Variants in CIT observed in about 807,000 individuals in gnomAD.
CIT encodes citron Rho-interacting kinase.
Under a neutral mutation model 272.7 loss-of-function variants are expected in CIT, and 79 were observed. The ratio of observed to expected loss-of-function variants is 0.29; its 90% CI spans 0.24 to 0.35. CIT has a LOEUF of 0.35. CIT is among the 10% of genes least tolerant of loss of function. The probability of loss-of-function intolerance (pLI) is 1.00; values close to 1 mark genes in which losing one functional copy is unlikely to be tolerated. For missense variants in CIT, 1,909 were observed against 2,618.3 expected (o/e 0.73, Z 5.91); for synonymous variants, 948 against 995.6 (o/e 0.95, Z 0.90).
At chr12:119,706,462 C>CCA (rs1956883151) in intron 40 of CIT, among the ~76,000 whole-genome samples, 1 of 152,042 alleles carries the variant, frequency 6.6e-6, no homozygotes, top group South Asian at 2.1e-4. Flanking sequence ...CTGACGGGCC[C>CCA]CAGTGTGTGT....
intron 47 of CIT, among the ~76,000 whole-genome samples, chr12:119,688,824 G>A (rs1222924459): frequency 6.6e-6 from 1 of 152,208 alleles, no homozygotes; most frequent in Admixed American, 6.5e-5. Context: ...GGCAACCACT[G>A]TGAACACTTT....
At position 119,784,217 on chromosome 12, in the gene CIT, T is replaced by C. The variant is rs917531716; in HGVS notation, c.1402-166A>G. 1 of 1,601,540 alleles carries C rather than the reference T, an allele frequency of 6.2e-7. No individual in the cohort carries two copies. Among genetic ancestry groups the C allele is most frequent in the Non-Finnish European group, 8.5e-7 (1 of 1,172,552 alleles). ...TGTTTCTTCGCCCAGGAGCGCACAG[T>C]TCTTCGTTAAGGACAGTCACCAAAT... On this transcript the variant is annotated intron_variant, in intron 11 of 47. Coordinates refer to ENST00000392521, the MANE Select transcript of CIT (RefSeq NM_001206999.2). The surrounding 1 kb of genome is among the most constrained non-coding windows in gnomAD (Gnocchi z 4.7).
At chr12:119,758,959 T>C (rs1374023426) in intron 20 of CIT, among the ~76,000 whole-genome samples, 1 of 152,186 alleles carries the variant, frequency 6.6e-6, no homozygotes, top group Non-Finnish European at 1.5e-5. Flanking sequence ...TTCAAGAACC[T>C]AACATCCTGG....
intron 23 of CIT, among the ~76,000 whole-genome samples, chr12:119,747,553 C>A (rs1368538011): frequency 1.3e-5 from 2 of 151,612 alleles, no homozygotes; most frequent in African/African-American, 4.8e-5. Flanking sequence ...ACCCGTGACT[C>A]ACTAAAAATA....
rs2137121569 is a variant in CIT, at chr12:119,718,488, A to G, written c.4004-79T>C. ...AAACTAAGCCGAATGTCCCTGGGCT[A>G]TCTTTCAAGGACCCAAGACCAAAAG... On this transcript the variant is annotated intron_variant, in intron 31 of 47. Transcript: ENST00000392521. This position sits in a 1 kb window ranked among gnomAD's most constrained non-coding sequence, Gnocchi z 4.8. 1 of 1,522,580 alleles carries G rather than the reference A, an allele frequency of 6.6e-7. No individual in the cohort carries two copies. 94.3% of individuals were successfully genotyped at this position (1,522,580 alleles called of 1,614,324 possible). A position where few individuals can be genotyped will look rare whatever the true frequency, so the allele number is the denominator to read the frequency against.
chr12:119,719,741 T>G (rs557036814), intron 30 of CIT, among the ~76,000 whole-genome samples: 1 of 152,366 alleles, frequency 6.6e-6, no homozygotes, highest in South Asian at 2.1e-4. Context: ...TGCTATGGTA[T>G]GCTTCTGCAT....
At chr12:119,731,352 T>C (rs2137224133) in intron 26 of CIT, among the ~76,000 whole-genome samples, 1 of 148,290 alleles carries the variant, frequency 6.7e-6, no homozygotes, top group South Asian at 2.2e-4. Context: ...GGCGCATGCC[T>C]GTAATCCTAG....
At chr12:119,785,201 G>T in intron 10 of CIT, 136 bp from the exon 11 acceptor site, 1 of 912,450 alleles carries the variant, frequency 1.1e-6, no homozygotes, top group Non-Finnish European at 1.6e-6. Context: ...CCCCCTTCCC[G>T]TTTCCCAAAG....
At chr12:119,772,030 A>G (rs1172821769) in intron 17 of CIT, among the ~76,000 whole-genome samples, 2 of 152,118 alleles carry the variant, frequency 1.3e-5, no homozygotes, top group African/African-American at 4.8e-5. Flanking sequence ...GCTGGGGGAA[A>G]TGCAGATGAA....
At chr12:119,729,249 T>TA (rs546565253) in intron 27 of CIT, among the ~76,000 whole-genome samples, 1 of 151,966 alleles carries the variant, frequency 6.6e-6, no homozygotes, top group Non-Finnish European at 1.5e-5. Flanking sequence ...TCCTCATGCT[T>TA]AAAAAAAATG....
Position 119,877,233 on chromosome 12 carries a change from G to C in CIT, c.-14+16C>G, listed in dbSNP as rs982825017. 1 of 152,234 alleles carries C rather than the reference G, an allele frequency of 6.6e-6. No homozygotes were observed. The highest frequency in any genetic ancestry group is 2.4e-5 in the African/African-American group (1 of 41,456). The allele number at this position is 152,234 out of a possible 1,614,324, so 9.4% of individuals were successfully genotyped here. On this transcript the variant is annotated intron_variant, in intron 1 of 47. Coordinates refer to ENST00000392521, the MANE Select transcript of CIT (RefSeq NM_001206999.2). The stretch of plus-strand genomic sequence containing the variant: ...AGCCGGGTGCGGTAGAATTGGGTCT[G>C]GGGGATCAGACTCACGCTCTGCGAA...
chr12:119,711,012 G>C, intron 37 of CIT: 1 of 1,367,400 alleles, frequency 7.3e-7, no homozygotes, highest in Non-Finnish European at 9.8e-7. Flanking sequence ...AAGGCGCCGT[G>C]TTAGCAGCGA....
At chr12:119,867,709 C>A (rs1339295267) in intron 3 of CIT, among the ~76,000 whole-genome samples, 1 of 151,996 alleles carries the variant, frequency 6.6e-6, no homozygotes, top group East Asian at 1.9e-4. Context: ...CACCACCACC[C>A]CCAACTAGCT....
intron 5 of CIT, among the ~76,000 whole-genome samples, chr12:119,842,702 T>A (rs1211207156): frequency 6.6e-6 from 1 of 152,098 alleles, no homozygotes; most frequent in Admixed American, 6.6e-5. Flanking sequence ...TTTTTAACCA[T>A]CAAAATGCAA....
At chr12:119,700,037 T>C (rs1370908233) in intron 44 of CIT, 5 of 403,404 alleles carry the variant, frequency 1.2e-5, no homozygotes, top group African/African-American at 1.0e-4. Context: ...TAGTGTTGTT[T>C]ACACTTACAA....
In CIT at chr12:119,690,533, C is replaced by T. The variant is rs559593503; in HGVS notation, c.5883-79G>A. The T allele has an allele frequency of 3.8e-6, 5 of 1,316,548 alleles. No individual in the cohort carries two copies. Among genetic ancestry groups the T allele is most frequent in the Non-Finnish European group, 5.1e-6 (5 of 985,006 alleles). 81.6% of individuals were successfully genotyped at this position (1,316,548 alleles called of 1,614,324 possible). A position where few individuals can be genotyped will look rare whatever the true frequency, so the allele number is the denominator to read the frequency against. Reference sequence around the variant, plus strand: ...ATTTTCCTTCTTACCTGAGCAACCCCCTCCTTGACCCAGCCTCACCACTGA... The same window carrying T: ...ATTTTCCTTCTTACCTGAGCAACCCTCTCCTTGACCCAGCCTCACCACTGA... On this transcript the variant is annotated intron_variant, in intron 46 of 47. Coordinates refer to ENST00000392521, the MANE Select transcript of CIT (RefSeq NM_001206999.2). The surrounding 1 kb of genome is among the most constrained non-coding windows in gnomAD (Gnocchi z 6.0).
At position 119,767,134 on chromosome 12, in the gene CIT, C is replaced by T. The variant is rs546256424; in HGVS notation, c.2257G>A (p.Glu753Lys). 1 of 1,611,178 alleles carries T rather than the reference C, an allele frequency of 6.2e-7. No homozygotes were observed. Among genetic ancestry groups the T allele is most frequent in the South Asian group, 1.1e-5 (1 of 90,090 alleles). Residue 753 changes from glutamate to lysine, a missense_variant, in exon 19 of 48, where the codon GAA (glutamate) becomes AAA (lysine). By Grantham distance (56) the Glu-to-Lys change is moderately conservative (BLOSUM62 1). Coordinates refer to ENST00000392521, the MANE Select transcript of CIT (RefSeq NM_001206999.2). The stretch of plus-strand genomic sequence containing the variant: ...TGCTCTTTCTGTTTCAGGTGCACTT[C>T]TAGGTGCTGGGCTGAGACTTGGGCC... ...REAQVSAQHL[E>K]VHLKQKEQHY...
rs1962664020 is a variant in CIT at position 119,768,065 on chromosome 12, C to T, written c.2209-883G>A. Reference sequence around the variant, plus strand: ...TAGCTGGGATTATAGGCATGCGCCACCATGCCCGGCTAATTTTTGTATTTT... The same window carrying T: ...TAGCTGGGATTATAGGCATGCGCCATCATGCCCGGCTAATTTTTGTATTTT... On this transcript the variant is annotated intron_variant, in intron 18 of 47. Transcript: ENST00000392521. The surrounding 1 kb of genome is among the most constrained non-coding windows in gnomAD (Gnocchi z 4.3). 6.6e-6 allele frequency among the ~76,000 whole-genome samples: 1 copy of T among 152,128 alleles called. No individual in the cohort carries two copies. The highest frequency in any genetic ancestry group is 1.5e-5 in the Non-Finnish European group (1 of 68,036).
chr12:119,786,053 GTTTT>G (rs1200795731), intron 10 of CIT, among the ~76,000 whole-genome samples: 2 of 150,374 alleles, frequency 1.3e-5, no homozygotes, highest in Non-Finnish European at 3.0e-5. Context: ...CTTTGTTTTT[GTTTT>G]TTTTTCTTTT....
Sources: allele counts gnomAD v4.1 joint callset (sites outside exome capture counted in the v4.1 genomes callset), GRCh38; gene constraint gnomAD v4.1.1; non-coding constraint Gnocchi (gnomAD v3.1); transcripts MANE v1.5; gene names NCBI Gene and HGNC (gene_info 2026-07-23, HGNC 2026-07-21).